Variants in SLC16A14 observed in about 807,000 individuals in gnomAD.
The protein encoded by SLC16A14 is solute carrier family 16 member 14.
SLC16A14 carries 14 observed loss-of-function variants against 35.8 expected under a neutral mutation model. That is an observed-to-expected ratio of 0.39 (90% CI 0.26 to 0.61). SLC16A14 has a LOEUF of 0.61. SLC16A14 is among the 20% of genes least tolerant of loss of function. The probability of loss-of-function intolerance (pLI) is 0.51; values close to 1 mark genes in which losing one functional copy is unlikely to be tolerated. For synonymous variants in SLC16A14, 248 were observed against 258.9 expected (o/e 0.96, Z 0.40); for missense variants, 533 against 655.0 (o/e 0.81, Z 2.03).
intron 4 of SLC16A14, among the ~76,000 whole-genome samples, chr2:230,043,052 A>C (rs1175364106): frequency 3.3e-5 from 5 of 152,218 alleles, no homozygotes; most frequent in Non-Finnish European, 7.3e-5. Context: ...TGTTATAATC[A>C]AATGCGTTCT....
chr2:230,053,561 T>A (rs2077679544), intron 2 of SLC16A14, among the ~76,000 whole-genome samples: 1 of 152,042 alleles, frequency 6.6e-6, no homozygotes, highest in Non-Finnish European at 1.5e-5. Flanking sequence ...GGTGGGTGGA[T>A]CACGAGGTCA....
intron 1 of SLC16A14, among the ~76,000 whole-genome samples, chr2:230,065,797 A>G (rs1020246037): frequency 1.3e-5 from 2 of 152,016 alleles, no homozygotes; most frequent in East Asian, 1.9e-4. Context: ...ATGTATTTAT[A>G]TAAGATATAA....
Position 230,045,958 on chromosome 2 carries a change from A to C in SLC16A14, c.1168T>G (p.Phe390Val). The C allele has an allele frequency of 2.5e-6, 4 of 1,613,266 alleles. No homozygotes were observed. Among genetic ancestry groups the C allele is most frequent in the Non-Finnish European group, 3.4e-6 (4 of 1,179,202 alleles). The part of the protein sequence containing the change: ...SVWNVFLLAN[F>V]TLVLSIFILP... The stretch of plus-strand genomic sequence containing the variant: ...ATAAAAATACTGAGGACAAGGGTGA[A>C]GTTGGCCAACAGGAAGACATTCCAA... Residue 390 changes from phenylalanine (F) to valine (V), a missense_variant, in exon 4 of 5, where the codon TTC (phenylalanine) becomes GTC (valine). Transcript: ENST00000295190.
rs2077525165 is a variant in SLC16A14 at position 230,037,169 on chromosome 2, G to C, written c.*211C>G. 1 of 374,580 alleles carries C rather than the reference G, an allele frequency of 2.7e-6. No individual in the cohort carries two copies. Among genetic ancestry groups the C allele is most frequent in the Non-Finnish European group, 4.8e-6 (1 of 208,008 alleles). The allele number at this position is 374,580 out of a possible 1,614,324, so 23.2% of individuals were successfully genotyped here. On this transcript the variant is annotated 3_prime_UTR_variant, in exon 5 of 5. Transcript: ENST00000295190. ...TGAACAACACTGTCATCTCTAGAAT[G>C]TATGTAGTCCTTAAGATCTTCCAGC...
At chr2:230,067,548 CT>C (rs1414971600) in intron 1 of SLC16A14, among the ~76,000 whole-genome samples, 25 of 50,404 alleles carry the variant, frequency 5.0e-4, no homozygotes, top group African/African-American at 1.0e-3. Flanking sequence ...CTCTCTCTCT[CT>C]CTCTCTCTCT....
At position 230,037,330 on chromosome 2, in the gene SLC16A14, G is replaced by A. The variant is rs370539947; in HGVS notation, c.*50C>T. ...CATAGGTGCCTCACAGCAACCATGC[G>A]AGGTAGGCATGAGTATTACAATGAA... On this transcript the variant is annotated 3_prime_UTR_variant, in exon 5 of 5. Coordinates refer to ENST00000295190, the MANE Select transcript of SLC16A14 (RefSeq NM_152527.5). 6.7e-6 allele frequency: 10 copies of A among 1,486,526 alleles called. No individual in the cohort carries two copies. The African/African-American group carries it at 8.5e-5, about 13-fold the overall frequency. 92.1% of individuals were successfully genotyped at this position (1,486,526 alleles called of 1,614,324 possible).
chr2:230,042,515 G>T (rs1453775095), intron 4 of SLC16A14, among the ~76,000 whole-genome samples: 1 of 152,118 alleles, frequency 6.6e-6, no homozygotes, highest in South Asian at 2.1e-4. Context: ...ACCCAAGCCT[G>T]CCCATTAGAA....
chr2:230,067,533 C>CT (rs2077809122), intron 1 of SLC16A14, among the ~76,000 whole-genome samples: 1 of 58,240 alleles, frequency 1.7e-5, no homozygotes, highest in African/African-American at 6.7e-5. Context: ...TCTCCCCTCT[C>CT]TTCTCTCTCT....
rs779964901 is a variant in SLC16A14 at position 230,038,870 on chromosome 2, G to A, written c.1382-1339C>T. ...TGCAGTGAGCTGAGATCGTGCCACC[G>A]CACTCCAGCCTGGGCAACAGAGCAA... On this transcript the variant is annotated intron_variant, in intron 4 of 4. Coordinates refer to ENST00000295190, the MANE Select transcript of SLC16A14 (RefSeq NM_152527.5). This position sits in a 1 kb window ranked among gnomAD's most constrained non-coding sequence, Gnocchi z 4.4. Among the ~76,000 whole-genome samples the A allele has an allele frequency of 7.9e-5, 12 of 152,052 alleles. No individual in the cohort carries two copies. Among genetic ancestry groups the A allele is most frequent in the African/African-American group, 1.9e-4 (8 of 41,390 alleles).
At position 230,045,877 on chromosome 2, in the gene SLC16A14, AC is replaced by A; in HGVS notation, c.1248del (p.Ser418ProfsTer7). On this transcript the variant is annotated frameshift_variant, in exon 4 of 5. Transcript: ENST00000295190. LOFTEE classifies it high-confidence loss of function. ...AGLAVICALIGFSSGYFSLMP... is the reference protein window; with the variant it reads ...AGLAVICALIXFSSGYFSLMP... ...ATTAGGGAGAAATAACCACTGGAAAACCCTATCAGCGCACAGATGACCGCCA... is the reference window on the plus strand; with the variant it reads ...ATTAGGGAGAAATAACCACTGGAAAACCTATCAGCGCACAGATGACCGCCA... 6.2e-7 allele frequency: 1 copy of A among 1,613,602 alleles called. No homozygotes were observed. The highest frequency in any genetic ancestry group is 8.5e-7 in the Non-Finnish European group (1 of 1,179,698).
intron 4 of SLC16A14, among the ~76,000 whole-genome samples, chr2:230,040,411 C>G (rs1333620293): frequency 6.6e-6 from 1 of 151,992 alleles, no homozygotes. Flanking sequence ...TTAGTAGAGA[C>G]AGGGTTTCCC....
chr2:230,037,604 T>A, intron 4 of SLC16A14, 73 bp from the exon 5 acceptor site: 1 of 1,254,562 alleles, frequency 8.0e-7, no homozygotes, highest in Non-Finnish European at 1.1e-6. Flanking sequence ...GAAGCAGGCA[T>A]TTATTGCTGC....
chr2:230,050,860 G>A (rs1428431407), intron 2 of SLC16A14, among the ~76,000 whole-genome samples: 1 of 152,186 alleles, frequency 6.6e-6, no homozygotes, highest in Non-Finnish European at 1.5e-5. Flanking sequence ...TAAGGAAACT[G>A]AGACCAAAAG....
chr2:230,059,038 G>T, intron 2 of SLC16A14, 56 bp downstream of exon 2: 1 of 1,522,606 alleles, frequency 6.6e-7, no homozygotes, highest in South Asian at 1.3e-5. Flanking sequence ...CACTTACAGT[G>T]GGGAATTGTC....
At chr2:230,054,083 A>AGGGG (rs144813112) in intron 2 of SLC16A14, among the ~76,000 whole-genome samples, 2 of 133,408 alleles carry the variant, frequency 1.5e-5, no homozygotes, top group African/African-American at 2.8e-5. Context: ...GTGCAGCCTG[A>AGGGG]GGTGGGGGGG....
At position 230,062,067 on chromosome 2, in the gene SLC16A14, C is replaced by A. The variant is rs186021521; in HGVS notation, c.-14-2701G>T. 9.2e-5 allele frequency among the ~76,000 whole-genome samples: 14 copies of A among 152,178 alleles called. No homozygotes were observed. In the East Asian group the frequency reaches 1.7e-3, roughly 19 times the overall value. The stretch of plus-strand genomic sequence containing the variant: ...ACTATCTTTAAAATTGAAATATATT[C>A]TTTTAATTATTTTAACACAGAAGAA... On this transcript the variant is annotated intron_variant, in intron 1 of 4. Transcript: ENST00000295190.
chr2:230,047,393 C>T (rs185071539), intron 3 of SLC16A14, among the ~76,000 whole-genome samples: 1 of 148,154 alleles, frequency 6.7e-6, no homozygotes, highest in Admixed American at 6.9e-5. Flanking sequence ...CTCATTGCGT[C>T]CTCGAACTCC....
Position 230,046,205 on chromosome 2 carries a change from T to A in SLC16A14, c.921A>T (p.Thr307=). Residue 307 remains threonine (T), a synonymous_variant, in exon 4 of 5, where the codon ACA becomes ACT. Transcript: ENST00000295190. The surrounding 1 kb of genome is among the most constrained non-coding windows in gnomAD (Gnocchi z 5.0). ...FEDWYSGYFG[T]ASLFTNRMFV... ...ACATTCGATTTGTAAATAGAGAGGCTGTCCCAAAGTAGCCCGAATACCAGT... is the reference window on the plus strand; with the variant it reads ...ACATTCGATTTGTAAATAGAGAGGCAGTCCCAAAGTAGCCCGAATACCAGT... 1 of 1,614,224 alleles carries A rather than the reference T, an allele frequency of 6.2e-7. No homozygotes were observed. Among genetic ancestry groups the A allele is most frequent in the Non-Finnish European group, 8.5e-7 (1 of 1,180,038 alleles).
intron 1 of SLC16A14, among the ~76,000 whole-genome samples, chr2:230,064,420 A>G (rs2077776373): frequency 6.6e-6 from 1 of 152,132 alleles, no homozygotes; most frequent in South Asian, 2.1e-4. Flanking sequence ...TCCAAAGCTT[A>G]CAGCGCAGTG....
Sources: allele counts gnomAD v4.1 joint callset (sites outside exome capture counted in the v4.1 genomes callset), GRCh38; gene constraint gnomAD v4.1.1; non-coding constraint Gnocchi (gnomAD v3.1); transcripts MANE v1.5; gene names NCBI Gene and HGNC (gene_info 2026-07-23, HGNC 2026-07-21).